The following WDR70 variants were observed in gnomAD, a reference collection of about 807,000 sequenced individuals.
The protein encoded by WDR70 is WD repeat-containing protein 70.
In WDR70, 53 loss-of-function variants were observed where a neutral mutation model predicts 88.6. That is an observed-to-expected ratio of 0.60 (90% confidence interval 0.48 to 0.75). The LOEUF is 0.75. Among genes scored for constraint, WDR70 ranks in the 30% least tolerant of loss-of-function variants. The pLI is 0.00. For missense variants in WDR70, 610 were observed against 823.2 expected (o/e 0.74, Z 3.17); for synonymous variants, 280 against 270.0 (o/e 1.04, Z -0.36).
intron 9 of WDR70, among the ~76,000 whole-genome samples, chr5:37,568,974 A>G (rs1742822458): frequency 6.6e-6 from 1 of 152,170 alleles, no homozygotes; most frequent in South Asian, 2.1e-4. Context: ...AGGTTGAGCT[A>G]GCCTGCTGGA....
Position 37,539,997 on chromosome 5 carries a change from C to T in WDR70, c.917+23407C>T, listed in dbSNP as rs188787400. On this transcript the variant is annotated intron_variant, in intron 9 of 17. Transcript: ENST00000265107. ...AAAAAAGTTTGTGACTTTTGATCTACTCAGTGTTTGATTATGAAAAATGAA... is the reference window on the plus strand; with the variant it reads ...AAAAAAGTTTGTGACTTTTGATCTATTCAGTGTTTGATTATGAAAAATGAA... Among the ~76,000 whole-genome samples the T allele has an allele frequency of 9.8e-5, 15 of 152,300 alleles. No individual in the cohort carries two copies. In the East Asian group the frequency reaches 2.3e-3, roughly 23 times the overall value.
At chr5:37,687,928 T>C (rs1183368406) in intron 10 of WDR70, 2 of 693,878 alleles carry the variant, frequency 2.9e-6, no homozygotes. Flanking sequence ...GTTAAGACTG[T>C]CATATGGAAC....
At chr5:37,682,780 A>G (rs1421655261) in intron 10 of WDR70, among the ~76,000 whole-genome samples, 2 of 152,126 alleles carry the variant, frequency 1.3e-5, no homozygotes, top group African/African-American at 4.8e-5. Flanking sequence ...CAGTGGTCCA[A>G]GAGAGTGGTG....
chr5:37,673,873 T>C (rs1489490406), intron 10 of WDR70, among the ~76,000 whole-genome samples: 1 of 151,982 alleles, frequency 6.6e-6, no homozygotes, highest in African/African-American at 2.4e-5. Context: ...CAGTATTTGG[T>C]TTTCTGTTCC....
chr5:37,670,695 C>T (rs953697399), intron 10 of WDR70, among the ~76,000 whole-genome samples: 14 of 152,194 alleles, frequency 9.2e-5, no homozygotes, highest in African/African-American at 3.4e-4. Flanking sequence ...TTGATCTCAG[C>T]AGTCTGGCTC....
intron 10 of WDR70, among the ~76,000 whole-genome samples, chr5:37,690,952 C>T (rs1473273202): frequency 6.6e-6 from 1 of 152,014 alleles, no homozygotes; most frequent in Non-Finnish European, 1.5e-5. Flanking sequence ...GAGTGAAGAC[C>T]CATCAGTGTG....
intron 17 of WDR70, among the ~76,000 whole-genome samples, chr5:37,743,206 A>G (rs1051427676): frequency 2.7e-5 from 4 of 149,398 alleles, no homozygotes; most frequent in Non-Finnish European, 4.5e-5. Context: ...GGGAAGGGGA[A>G]CCCCCCTCCC....
In WDR70 at chr5:37,523,480, A is replaced by T. The variant is rs530314065; in HGVS notation, c.917+6890A>T. ...ACATCCACACCAAAACCCCATCTGT[A>T]TGTCACCATCATCAAAGACCAAAGG... On this transcript the variant is annotated intron_variant, in intron 9 of 17. Transcript: ENST00000265107. 3.3e-5 allele frequency among the ~76,000 whole-genome samples: 5 copies of T among 152,338 alleles called. No homozygotes were observed. The East Asian group carries it at 9.6e-4, about 29-fold the overall frequency.
intron 7 of WDR70, among the ~76,000 whole-genome samples, chr5:37,463,711 A>G (rs1025714549): frequency 6.6e-6 from 1 of 152,138 alleles, no homozygotes; most frequent in African/African-American, 2.4e-5. Flanking sequence ...TTTGATCGGA[A>G]TCTTCGTTGT....
At position 37,563,275 on chromosome 5, in the gene WDR70, C is replaced by T. The variant is rs1396689085; in HGVS notation, c.918-41789C>T. ...CCAGGCAGAGGCGCCCCTCACTTTC[C>T]GGATGGGGCGGCTGGCCGGGCGGGG... On this transcript the variant is annotated intron_variant, in intron 9 of 17. Coordinates refer to ENST00000265107, the MANE Select transcript of WDR70 (RefSeq NM_018034.4). Among the ~76,000 whole-genome samples the T allele has an allele frequency of 1.2e-4, 7 of 58,710 alleles. 1 individual carries two copies. Among genetic ancestry groups the T allele is most frequent in the African/African-American group, 2.9e-4 (5 of 17,220 alleles). 38.5% of individuals were successfully genotyped at this position (58,710 alleles called of 152,430 possible).
At chr5:37,652,313 C>T (rs1246043653) in intron 10 of WDR70, among the ~76,000 whole-genome samples, 1 of 152,176 alleles carries the variant, frequency 6.6e-6, no homozygotes, top group Non-Finnish European at 1.5e-5. Context: ...TGTTTTGGTA[C>T]CAGCACCATG....
At chr5:37,421,953 G>A (rs1561846287) in intron 5 of WDR70, among the ~76,000 whole-genome samples, 1 of 151,830 alleles carries the variant, frequency 6.6e-6, no homozygotes, top group Non-Finnish European at 1.5e-5. Context: ...GAGAGTGTGG[G>A]AGGGAGGAGT....
chr5:37,633,445 G>T, intron 10 of WDR70, among the ~76,000 whole-genome samples: 1 of 151,162 alleles, frequency 6.6e-6, no homozygotes, highest in South Asian at 2.1e-4. Flanking sequence ...AAAACATTTT[G>T]CTGAGTTTAA....
chr5:37,401,164 ATTTTTTTTTTT>A (rs559450523), intron 5 of WDR70, among the ~76,000 whole-genome samples: 1 of 69,124 alleles, frequency 1.4e-5, no homozygotes, highest in African/African-American at 5.3e-5. Context: ...ACACCTAGCT[ATTTTTTTTTTT>A]TTTTTTTTTT....
chr5:37,404,624 T>C (rs958956201), intron 5 of WDR70, among the ~76,000 whole-genome samples: 15 of 152,342 alleles, frequency 9.8e-5, no homozygotes, highest in African/African-American at 3.4e-4. Flanking sequence ...CTATACCTAT[T>C]AAATCATAAT....
chr5:37,553,573 C>T (rs758969185), intron 9 of WDR70, among the ~76,000 whole-genome samples: 2 of 152,148 alleles, frequency 1.3e-5, no homozygotes, highest in Non-Finnish European at 2.9e-5. Flanking sequence ...TCTGTGCGTG[C>T]GCATGTGTGC....
intron 13 of WDR70, among the ~76,000 whole-genome samples, chr5:37,713,773 G>T (rs1323366337): frequency 3.3e-5 from 5 of 152,178 alleles, no homozygotes; most frequent in Admixed American, 1.3e-4. Flanking sequence ...GAGCTCCATT[G>T]TCTAACCCTA....
chr5:37,612,085 G>C (rs901811839), intron 10 of WDR70, among the ~76,000 whole-genome samples: 1 of 152,068 alleles, frequency 6.6e-6, no homozygotes. Flanking sequence ...AAGTAGCACG[G>C]TATTCACTCT....
At chr5:37,555,116 A>G (rs1346449653) in intron 9 of WDR70, among the ~76,000 whole-genome samples, 1 of 152,164 alleles carries the variant, frequency 6.6e-6, no homozygotes, top group Non-Finnish European at 1.5e-5. Flanking sequence ...GCACCACCTA[A>G]TGGCAGCTGC....
Sources: gnomAD v4.1 joint callset for allele counts (sites outside exome capture counted in the v4.1 genomes callset) on GRCh38, gnomAD v4.1.1 for gene constraint, MANE v1.5 for transcripts, NCBI Gene and HGNC (gene_info 2026-07-23, HGNC 2026-07-21) for gene names.